RASAL2: variants seen among roughly 807,000 people sequenced by gnomAD.
RASAL2 encodes RAS protein activator like 2, also known as ras GTPase-activating protein nGAP.
In RASAL2, 58 loss-of-function variants were observed where a neutral mutation model predicts 128.9. The ratio of observed to expected loss-of-function variants is 0.45; its 90% CI spans 0.36 to 0.56. RASAL2 has a LOEUF of 0.56. Among genes scored for constraint, RASAL2 ranks in the 20% least tolerant of loss-of-function variants. The pLI is 0.00. For synonymous variants in RASAL2, 561 were observed against 580.8 expected, an observed-to-expected ratio of 0.97 and a Z score of 0.49; for missense variants, 1,360 against 1,601.6, an observed-to-expected ratio of 0.85 and a Z score of 2.57.
chr1:178,398,326 TCAA>T (rs1462784774), intron 4 of RASAL2, among the ~76,000 whole-genome samples: 1 of 152,180 alleles, frequency 6.6e-6, no homozygotes, highest in Non-Finnish European at 1.5e-5. Flanking sequence ...TTGCAAATTA[TCAA>T]CAAATTTTTA....
chr1:178,443,145 C>A lies in RASAL2; in HGVS notation c.1398C>A (p.Val466=). The A allele has an allele frequency of 6.2e-7, 1 of 1,613,814 alleles. No individual in the cohort carries two copies. Among genetic ancestry groups the A allele is most frequent in the Non-Finnish European group, 8.5e-7 (1 of 1,179,788 alleles). ...GCAACTACACCATGCTGTGTTCTGT[C>A]CTTGAGCCAGTAATTAGTGTGAGAA... ...VTSNYTMLCS[V]LEPVISVRNK... The change falls in exon 8 of 18, where the codon GTC becomes GTA. Residue 466 remains valine, a synonymous_variant. Transcript: ENST00000367649.
At chr1:178,299,093 C>G (rs981986792) in intron 2 of RASAL2, among the ~76,000 whole-genome samples, 4 of 151,890 alleles carry the variant, frequency 2.6e-5, no homozygotes, top group Non-Finnish European at 5.9e-5. Flanking sequence ...GAAATTATGT[C>G]AGAAAAAATG....
chr1:178,283,785 A>G (rs1393283079), intron 2 of RASAL2, 94 bp downstream of exon 2: 3 of 1,471,438 alleles, frequency 2.0e-6, no homozygotes, highest in African/African-American at 1.4e-5. Flanking sequence ...AAGTTGGATT[A>G]TAAAAATAAA....
intron 1 of RASAL2, among the ~76,000 whole-genome samples, chr1:178,241,984 A>G (rs1466240622): frequency 6.6e-6 from 1 of 152,212 alleles, no homozygotes; most frequent in East Asian, 1.9e-4. Flanking sequence ...TCAGAGCACA[A>G]GGATGGAGAA....
intron 3 of RASAL2, among the ~76,000 whole-genome samples, chr1:178,352,129 T>C (rs1288199960): frequency 6.6e-6 from 1 of 152,196 alleles, no homozygotes; most frequent in Admixed American, 6.5e-5. Flanking sequence ...AGGAATGCTA[T>C]GTTTTCTAGG....
At chr1:178,351,277 A>G (rs983647253) in intron 3 of RASAL2, among the ~76,000 whole-genome samples, 6 of 152,212 alleles carry the variant, frequency 3.9e-5, no homozygotes, top group Non-Finnish European at 7.3e-5. Context: ...TCCAAATCTC[A>G]TGTTCTTCTC....
At chr1:178,129,847 G>C (rs1660037537) in intron 1 of RASAL2, among the ~76,000 whole-genome samples, 1 of 152,042 alleles carries the variant, frequency 6.6e-6, no homozygotes, top group Non-Finnish European at 1.5e-5. Context: ...TTTCCTCATT[G>C]AGTGCTCTTG....
intron 1 of RASAL2, among the ~76,000 whole-genome samples, chr1:178,185,723 A>G (rs1279104338): frequency 6.6e-6 from 1 of 152,092 alleles, no homozygotes; most frequent in Non-Finnish European, 1.5e-5. Context: ...CCAGCCTTGC[A>G]CACCTAGAAT....
chr1:178,469,223 G>A (rs959246605), intron 17 of RASAL2, among the ~76,000 whole-genome samples: 1 of 152,136 alleles, frequency 6.6e-6, no homozygotes, highest in Non-Finnish European at 1.5e-5. Flanking sequence ...CTTGAGCCCA[G>A]GAGGTCAAGG....
intron 3 of RASAL2, among the ~76,000 whole-genome samples, chr1:178,370,163 A>G (rs1290207958): frequency 6.6e-6 from 1 of 152,260 alleles, no homozygotes; most frequent in African/African-American, 2.4e-5. Flanking sequence ...ATACAAATGA[A>G]CAAAACAAAT....
At chr1:178,204,278 A>G (rs1360301863) in intron 1 of RASAL2, among the ~76,000 whole-genome samples, 5 of 152,106 alleles carry the variant, frequency 3.3e-5, no homozygotes, top group Non-Finnish European at 7.3e-5. Flanking sequence ...TGACCTTATT[A>G]TTGTGTTTAT....
intron 7 of RASAL2, among the ~76,000 whole-genome samples, chr1:178,441,886 G>C (rs936101022): frequency 6.6e-6 from 1 of 152,142 alleles, no homozygotes; most frequent in African/African-American, 2.4e-5. Context: ...TTTACAGGAA[G>C]CATGGTGCTG....
intron 1 of RASAL2, among the ~76,000 whole-genome samples, chr1:178,116,910 A>G (rs1659539492): frequency 6.6e-6 from 1 of 152,184 alleles, no homozygotes; most frequent in Non-Finnish European, 1.5e-5. Context: ...CTAGATTGCT[A>G]ATTTTTGTAA....
At chr1:178,111,530 T>C (rs1385041526) in intron 1 of RASAL2, among the ~76,000 whole-genome samples, 1 of 151,832 alleles carries the variant, frequency 6.6e-6, no homozygotes, top group Non-Finnish European at 1.5e-5. Context: ...GTAGGTTCCA[T>C]TTCCATGTTT....
chr1:178,095,846 C>T (rs1249151226), intron 1 of RASAL2, among the ~76,000 whole-genome samples: 1 of 152,126 alleles, frequency 6.6e-6, no homozygotes, highest in Non-Finnish European at 1.5e-5. Flanking sequence ...CAGATCGAGT[C>T]ACATTTTTGG....
At chr1:178,371,333 CACACACACACACACACACAAAT>C (rs1671690333) in intron 3 of RASAL2, among the ~76,000 whole-genome samples, 2 of 133,536 alleles carry the variant, frequency 1.5e-5, no homozygotes, top group Non-Finnish European at 3.2e-5. Context: ...CACACACACA[CACACACACACACACACACAAAT>C]ACACACACAC....
At chr1:178,386,633 A>G (rs1300588225) in intron 3 of RASAL2, among the ~76,000 whole-genome samples, 4 of 152,180 alleles carry the variant, frequency 2.6e-5, no homozygotes, top group African/African-American at 9.7e-5. Context: ...AAGATGAAAA[A>G]TATTATGTTT....
intron 5 of RASAL2, among the ~76,000 whole-genome samples, chr1:178,426,789 C>T (rs962175914): frequency 1.3e-5 from 2 of 152,010 alleles, no homozygotes; most frequent in African/African-American, 4.8e-5. Flanking sequence ...CAGAGCAGAT[C>T]TCGAATGTCA....
intron 3 of RASAL2, among the ~76,000 whole-genome samples, chr1:178,317,351 A>C (rs1668535797): frequency 6.8e-6 from 1 of 146,614 alleles, no homozygotes; most frequent in Admixed American, 6.8e-5. Context: ...TGATTGGAAT[A>C]GTTTCAGAAG....
Sources: allele counts gnomAD v4.1 joint callset (sites outside exome capture counted in the v4.1 genomes callset), GRCh38; gene constraint gnomAD v4.1.1; transcripts MANE v1.5; gene names NCBI Gene and HGNC (gene_info 2026-07-23, HGNC 2026-07-21).